The following SLC6A14 variants were observed in gnomAD, a reference collection of about 807,000 sequenced individuals.
The protein encoded by SLC6A14 is solute carrier family 6 member 14, also known as sodium- and chloride-dependent neutral and basic amino acid transporter B(0+).
Under a neutral mutation model 51.4 loss-of-function variants are expected in SLC6A14, and 21 were observed. The ratio of observed to expected loss-of-function variants is 0.41; its 90% CI spans 0.29 to 0.59. The LOEUF (loss-of-function observed/expected upper bound fraction) is 0.59, where lower values mean the gene tolerates loss of function less well. Ranked by LOEUF, SLC6A14 falls within the 20% of genes least tolerant of loss-of-function variation. SLC6A14 has a pLI of 0.31. For missense variants in SLC6A14, 371 were observed against 472.8 expected (o/e 0.78, Z 2.00); for synonymous variants, 177 against 160.7 (o/e 1.10, Z -0.77).
chrX:116,455,744 A>G (rs1556694757), intron 12 of SLC6A14, among the ~76,000 whole-genome samples: 1 of 111,561 alleles, frequency 9.0e-6, no homozygotes, highest in Non-Finnish European at 1.9e-5. Context: ...AATACAAAAA[A>G]TGAAAATAAA....
intron 12 of SLC6A14, among the ~76,000 whole-genome samples, chrX:116,456,453 A>G (rs1556694808): frequency 9.0e-6 from 1 of 110,920 alleles, no homozygotes; most frequent in Admixed American, 9.6e-5. Flanking sequence ...TGAAAATGAC[A>G]CTAAATATTT....
Position 116,461,054 on chromosome X carries a change from C to T in SLC6A14, c.*2099C>T. 9.0e-6 allele frequency: 1 copy of T among 111,716 alleles called. No individual in the cohort carries two copies. The highest frequency in any genetic ancestry group is 1.9e-5 in the Non-Finnish European group (1 of 53,198). 9.2% of individuals were successfully genotyped at this position (111,716 alleles called of 1,213,427 possible). On this transcript the variant is annotated 3_prime_UTR_variant, in exon 14 of 14. Coordinates refer to ENST00000598581, the MANE Select transcript of SLC6A14 (RefSeq NM_007231.5). ...TGCATTCTACCACTACATTTTGGTGCTATTTAAGGTGTGCAATTTTCTATA... is the reference window on the plus strand; with the variant it reads ...TGCATTCTACCACTACATTTTGGTGTTATTTAAGGTGTGCAATTTTCTATA...
chrX:116,458,760 T>G, intron 13 of SLC6A14, 49 bp from the exon 14 acceptor site: 1 of 1,094,306 alleles, frequency 9.1e-7, no homozygotes, highest in Non-Finnish European at 1.2e-6. Flanking sequence ...TGTTTACAGA[T>G]TGTAGCACTT....
At chrX:116,444,669 A>C (rs1316454573) in intron 5 of SLC6A14, among the ~76,000 whole-genome samples, 3 of 111,666 alleles carry the variant, frequency 2.7e-5, no homozygotes, top group Non-Finnish European at 5.7e-5. Context: ...GAATCAGTAG[A>C]TCTTTTATTC....
At chrX:116,450,301 G>A (rs1927798044) in intron 7 of SLC6A14, among the ~76,000 whole-genome samples, 1 of 111,156 alleles carries the variant, frequency 9.0e-6, no homozygotes, top group Admixed American at 9.6e-5. Context: ...TTTAAAAACC[G>A]AGTAAGACAG....
At chrX:116,440,931 G>A (rs202239650) in intron 2 of SLC6A14, 35 bp from the exon 3 acceptor site, 2 of 1,203,702 alleles carry the variant, frequency 1.7e-6, no homozygotes, top group African/African-American at 1.7e-5. Flanking sequence ...ACTTCGAGCT[G>A]TAATAGTGCT....
At chrX:116,446,688 T>C in intron 6 of SLC6A14, 53 bp from the exon 7 acceptor site, 1 of 991,592 alleles carries the variant, frequency 1.0e-6, no homozygotes, top group African/African-American at 1.9e-5. Context: ...TATACAGTTA[T>C]ACACCATGAT....
intron 12 of SLC6A14, among the ~76,000 whole-genome samples, chrX:116,455,950 T>C (rs1231992196): frequency 9.0e-6 from 1 of 111,261 alleles, no homozygotes; most frequent in African/African-American, 3.3e-5. Flanking sequence ...AGGGAGGTAT[T>C]TGGCAGATGA....
rs1416555427 is a variant in SLC6A14, at chrX:116,455,006, C to T, written c.1434C>T (p.Asp478=). ...QAGIYWVHLI[D]HFCAGWGILI... ...GAATTTACTGGGTTCATCTGATTGA[C>T]CACTTCTGTGCTGGATGGGGCATTT... The change falls in exon 11 of 14, where the codon GAC becomes GAT. Residue 478 remains aspartate (D), a synonymous_variant. Coordinates refer to ENST00000598581, the MANE Select transcript of SLC6A14 (RefSeq NM_007231.5). 13 of 1,204,312 alleles carry T rather than the reference C, an allele frequency of 1.1e-5. No individual in the cohort carries two copies. The highest frequency in any genetic ancestry group is 1.3e-5 in the Non-Finnish European group (12 of 890,686).
In SLC6A14 at chrX:116,437,771, G is replaced by A. The variant is rs782390763; in HGVS notation, c.49-19G>A. The stretch of plus-strand genomic sequence containing the variant: ...TGTAATGGTAGAAAGGCAAGCTGTT[G>A]ATATTTTTTCTTCCCCAGAAAGTGT... On this transcript the variant is annotated intron_variant, in intron 1 of 13. Transcript: ENST00000598581. 8.4e-7 allele frequency: 1 copy of A among 1,190,807 alleles called. No homozygotes were observed. Among genetic ancestry groups the A allele is most frequent in the South Asian group, 1.8e-5 (1 of 54,223 alleles).
intron 2 of SLC6A14, among the ~76,000 whole-genome samples, chrX:116,439,047 C>T (rs1397635553): frequency 9.0e-6 from 1 of 110,874 alleles, no homozygotes; most frequent in Non-Finnish European, 1.9e-5. Context: ...TTATTTCCGT[C>T]TCTGTCCTAA....
At chrX:116,438,103 A>G (rs782220502) in intron 2 of SLC6A14, 148 bp downstream of exon 2, 450 of 452,040 alleles carry the variant, frequency 1.0e-3, no homozygotes, top group Non-Finnish European at 1.4e-3. Flanking sequence ...AGAAACAAGC[A>G]TATTGAATTT....
Position 116,451,661 on chromosome X carries a change from G to A in SLC6A14, c.1150G>A (p.Val384Ile). The change falls in exon 8 of 14, where the codon GTA becomes ATA. Residue 384 changes from valine (V) to isoleucine (I), a missense_variant. This residue lies in a region of SLC6A14 where 277 missense variants were observed against 391.8 expected (regional missense o/e 0.71). Coordinates refer to ENST00000598581, the MANE Select transcript of SLC6A14 (RefSeq NM_007231.5). ...HISGKEVSQVVKSGFDLAFIA... is the reference protein window; with the variant it reads ...HISGKEVSQVIKSGFDLAFIA... ...ATCTGGAAAGGAAGTTTCTCAAGTT[G>A]TAAAATCAGGTATATAATACTATAT... 1.8e-6 allele frequency: 2 copies of A among 1,126,118 alleles called. No individual in the cohort carries two copies. Among genetic ancestry groups the A allele is most frequent in the Non-Finnish European group, 2.4e-6 (2 of 818,910 alleles). The allele number at this position is 1,126,118 out of a possible 1,213,427, so 92.8% of individuals were successfully genotyped here. A position where few individuals can be genotyped will look rare whatever the true frequency, so the allele number is the denominator to read the frequency against.
intron 2 of SLC6A14, among the ~76,000 whole-genome samples, chrX:116,438,711 C>A (rs1927534595): frequency 9.0e-6 from 1 of 111,645 alleles, no homozygotes; most frequent in Non-Finnish European, 1.9e-5. Context: ...TCACTTACAC[C>A]ATATTTTATT....
Position 116,460,223 on chromosome X carries a change from C to T in SLC6A14, c.*1268C>T, listed in dbSNP as rs981262982. The T allele has an allele frequency of 2.7e-5, 3 of 111,055 alleles. No individual in the cohort carries two copies. Among genetic ancestry groups the T allele is most frequent in the African/African-American group, 9.8e-5 (3 of 30,555 alleles). The allele number at this position is 111,055 out of a possible 1,213,427, so 9.2% of individuals were successfully genotyped here. A position where few individuals can be genotyped will look rare whatever the true frequency, so the allele number is the denominator to read the frequency against. ...CATGCATTTTTCTAGGGAGAGAGTC[C>T]GTAGGTTTATCAGAATATCAAGGAA... On this transcript the variant is annotated 3_prime_UTR_variant, in exon 14 of 14. Coordinates refer to ENST00000598581, the MANE Select transcript of SLC6A14 (RefSeq NM_007231.5).
Position 116,444,924 on chromosome X carries a change from G to T in SLC6A14, c.663G>T (p.Val221=). The T allele has an allele frequency of 1.7e-6, 2 of 1,209,988 alleles. No homozygotes were observed. The highest frequency in any genetic ancestry group is 2.3e-4 in the Middle Eastern group (1 of 4,333). The change falls in exon 6 of 14, where the codon GTG becomes GTT. Residue 221 remains valine (V), a synonymous_variant. Coordinates refer to ENST00000598581, the MANE Select transcript of SLC6A14 (RefSeq NM_007231.5). The part of the protein sequence containing the change: ...QLPSEQYWNK[V]ALQRSSGMNE... ...AATGGCTTATGTGTTTCAGTAAAGTGGCGCTCCAACGGTCAAGTGGAATGA... is the reference window on the plus strand; with the variant it reads ...AATGGCTTATGTGTTTCAGTAAAGTTGCGCTCCAACGGTCAAGTGGAATGA...
At chrX:116,443,039 G>T (rs1011802643) in intron 4 of SLC6A14, among the ~76,000 whole-genome samples, 191 bp downstream of exon 4, 1 of 110,855 alleles carries the variant, frequency 9.0e-6, no homozygotes, top group East Asian at 2.8e-4. Flanking sequence ...AGTCAGGAAG[G>T]CTAAATCATG....
intron 12 of SLC6A14, among the ~76,000 whole-genome samples, chrX:116,456,024 ATAC>A (rs1927927673): frequency 9.0e-6 from 1 of 111,570 alleles, no homozygotes; most frequent in African/African-American, 3.2e-5. Context: ...TCAACAATTA[ATAC>A]TATTTAGAAG....
At chrX:116,444,713 C>A (rs1556693886) in intron 5 of SLC6A14, among the ~76,000 whole-genome samples, 2 of 111,349 alleles carry the variant, frequency 1.8e-5, no homozygotes, top group Non-Finnish European at 3.8e-5. Context: ...CTGTGGTTAA[C>A]TGAAGTTCAG....
Sources: allele counts gnomAD v4.1 joint callset (sites outside exome capture counted in the v4.1 genomes callset), GRCh38; gene constraint gnomAD v4.1.1; regional missense constraint gnomAD v4.1.1; transcripts MANE v1.5; gene names NCBI Gene and HGNC (gene_info 2026-07-23, HGNC 2026-07-21).